Variants in SPTLC1 observed in about 807,000 individuals in gnomAD.
SPTLC1 encodes serine palmitoyltransferase 1.
SPTLC1 carries 55 observed loss-of-function variants against 68.9 expected under a neutral mutation model. The ratio of observed to expected loss-of-function variants is 0.80; its 90% confidence interval spans 0.64 to 1.00. The LOEUF (loss-of-function observed/expected upper bound fraction) is 1.00. Among genes scored for constraint, SPTLC1 ranks in the 50% least tolerant of loss-of-function variants. SPTLC1 has a pLI of 0.00. For synonymous variants in SPTLC1, 197 were observed against 201.6 expected, an observed-to-expected ratio of 0.98 and a Z score of 0.19; for missense variants, 449 against 573.1, an observed-to-expected ratio of 0.78 and a Z score of 2.21.
At chr9:92,114,341 C>T (rs1048539091) in intron 1 of SPTLC1, among the ~76,000 whole-genome samples, 1 of 152,200 alleles carries the variant, frequency 6.6e-6, no homozygotes, top group South Asian at 2.1e-4. Flanking sequence ...CGGGGACTCT[C>T]AGTTATTAAA....
rs991571179 is a variant in SPTLC1, at chr9:92,087,170, T to G, written c.261-6207A>C. On this transcript the variant is annotated intron_variant, in intron 3 of 14. Transcript: ENST00000262554. ...TAAATTTTTTTCAAAGTTTTTAACT[T>G]CTTTGCCTTTGGTTTGAATTTCCTC... Among the ~76,000 whole-genome samples the G allele has an allele frequency of 3.3e-5, 5 of 152,222 alleles. No individual in the cohort carries two copies. The East Asian group carries it at 7.7e-4, about 23-fold the overall frequency.
At chr9:92,079,870 GT>G in intron 5 of SPTLC1, 145 bp downstream of exon 5, 1 of 758,676 alleles carries the variant, frequency 1.3e-6, no homozygotes, top group Non-Finnish European at 2.3e-6. Context: ...GCCCATGCTG[GT>G]ATCAAATTCC....
In SPTLC1 at chr9:92,047,593, T is replaced by C; in HGVS notation, c.984+20A>G. 2.6e-6 allele frequency: 4 copies of C among 1,555,710 alleles called. No individual in the cohort carries two copies. Among genetic ancestry groups the C allele is most frequent in the Non-Finnish European group, 2.7e-6 (3 of 1,127,246 alleles). On this transcript the variant is annotated intron_variant, in intron 10 of 14. Coordinates refer to ENST00000262554, the MANE Select transcript of SPTLC1 (RefSeq NM_006415.4). Reference sequence around the variant, plus strand: ...AGAAATTAGTTTCAGTTTTAGCTCCTGTTTTTAAAAAGAACCCACCTGATG... The same window carrying C: ...AGAAATTAGTTTCAGTTTTAGCTCCCGTTTTTAAAAAGAACCCACCTGATG...
chr9:92,087,878 T>C (rs1221396261), intron 3 of SPTLC1, among the ~76,000 whole-genome samples: 2 of 152,242 alleles, frequency 1.3e-5, no homozygotes, highest in Non-Finnish European at 2.9e-5. Flanking sequence ...GCAGACCTCC[T>C]TGAGCTGTGG....
chr9:92,103,209 C>T (rs915813747), intron 3 of SPTLC1, among the ~76,000 whole-genome samples: 2 of 152,208 alleles, frequency 1.3e-5, no homozygotes, highest in Non-Finnish European at 2.9e-5. Flanking sequence ...TCCCATCAGA[C>T]GAGAAAGAAC....
chr9:92,079,540 G>A lies in SPTLC1; in HGVS notation c.427+476C>T, dbSNP rs757811304. 13 of 1,613,556 alleles carry A rather than the reference G, an allele frequency of 8.1e-6. No individual in the cohort carries two copies. In the African/African-American group the frequency reaches 1.6e-4, roughly 20 times the overall value. On this transcript the variant is annotated intron_variant, in intron 5 of 14. Transcript: ENST00000262554. ...CTGTTCCCGGATTATCCATACACAA[G>A]GAAATCAATGATCCTTCATCTTCAT...
In SPTLC1 at chr9:92,059,303, CTA is replaced by C; in HGVS notation, c.564_565del (p.Asp188GlufsTer16). On this transcript the variant is annotated frameshift_variant, in exon 7 of 15. Coordinates refer to ENST00000262554, the MANE Select transcript of SPTLC1 (RefSeq NM_006415.4). LOFTEE classifies it high-confidence loss of function. The stretch of plus-strand genomic sequence containing the variant: ...TTTCTGAATAGCAAAGCAGGCAGCT[CTA>C]TCTCTGCAAGGAAAAGAGATCCACC... The C allele has an allele frequency of 6.2e-7, 1 of 1,613,986 alleles. No homozygotes were observed. The highest frequency in any genetic ancestry group is 1.1e-5 in the South Asian group (1 of 91,076).
intron 7 of SPTLC1, among the ~76,000 whole-genome samples, chr9:92,056,220 G>A (rs943771636): frequency 1.3e-5 from 2 of 152,090 alleles, no homozygotes; most frequent in South Asian, 2.1e-4. Context: ...CCCAGGTGGT[G>A]GGGTAGAGAG....
intron 3 of SPTLC1, among the ~76,000 whole-genome samples, chr9:92,102,975 A>G (rs1389689448): frequency 1.3e-5 from 2 of 152,208 alleles, no homozygotes; most frequent in Non-Finnish European, 2.9e-5. Context: ...TGTGGTGAAT[A>G]GTTGACCGAG....
chr9:92,107,748 T>C (rs1836058868), intron 3 of SPTLC1: 1 of 151,576 alleles, frequency 6.6e-6, no homozygotes, highest in Non-Finnish European at 1.5e-5. Context: ...CGAGACTCTG[T>C]CTCAAAAAAA....
intron 5 of SPTLC1, chr9:92,070,061 CTG>C (rs1418708663): frequency 2.6e-5 from 4 of 152,188 alleles, no homozygotes; most frequent in Non-Finnish European, 5.9e-5. Context: ...ATACTCGTAA[CTG>C]TTTATATACA....
chr9:92,053,076 C>T (rs910141619), intron 8 of SPTLC1, among the ~76,000 whole-genome samples: 2 of 150,768 alleles, frequency 1.3e-5, no homozygotes, highest in East Asian at 1.9e-4. Context: ...ATGGGCAAAG[C>T]ACCTGAATAG....
intron 13 of SPTLC1, 117 bp from the exon 14 acceptor site, chr9:92,035,000 G>C: frequency 1.1e-6 from 1 of 884,986 alleles, no homozygotes; most frequent in Non-Finnish European, 1.9e-6. Flanking sequence ...AATTATAATT[G>C]CTAGAAGATA....
At chr9:92,090,690 T>C (rs1835328840) in intron 3 of SPTLC1, among the ~76,000 whole-genome samples, 2 of 149,498 alleles carry the variant, frequency 1.3e-5, no homozygotes, top group South Asian at 4.2e-4. Context: ...GGAAGTCTAA[T>C]CAAGAAAACC....
chr9:92,074,429 C>T (rs1386332323), intron 5 of SPTLC1, among the ~76,000 whole-genome samples: 1 of 152,076 alleles, frequency 6.6e-6, no homozygotes. Context: ...TGGACTACAG[C>T]CACATCTCAG....
chr9:92,067,031 C>G (rs752548656), intron 6 of SPTLC1, among the ~76,000 whole-genome samples: 1 of 151,876 alleles, frequency 6.6e-6, no homozygotes, highest in Non-Finnish European at 1.5e-5. Context: ...GGTGCGGTGG[C>G]TCACGCCTGT....
intron 3 of SPTLC1, among the ~76,000 whole-genome samples, chr9:92,089,377 C>T (rs1343643121): frequency 6.6e-6 from 1 of 152,192 alleles, no homozygotes; most frequent in Non-Finnish European, 1.5e-5. Flanking sequence ...TGTGCCACTG[C>T]ACTCCAGCCT....
intron 9 of SPTLC1, among the ~76,000 whole-genome samples, chr9:92,049,081 G>C (rs34332001): frequency 0.024 from 3,698 of 152,160 alleles, 64 homozygotes; most frequent in Middle Eastern, 0.051. Context: ...TTACCTCCTC[G>C]GTGCATGTAA....
At chr9:92,043,932 T>C (rs565372739) in intron 12 of SPTLC1, among the ~76,000 whole-genome samples, 5 of 152,206 alleles carry the variant, frequency 3.3e-5, no homozygotes, top group Non-Finnish European at 7.3e-5. Context: ...GCCCTCATCT[T>C]CCACCAGATT....
Sources: allele counts gnomAD v4.1 joint callset (sites outside exome capture counted in the v4.1 genomes callset), GRCh38; gene constraint gnomAD v4.1.1; transcripts MANE v1.5; gene names NCBI Gene and HGNC (gene_info 2026-07-23, HGNC 2026-07-21).